Variants in DTD1 observed in about 807,000 individuals in gnomAD.
DTD1 encodes the protein D-aminoacyl-tRNA deacylase 1.
DTD1 carries 13 observed loss-of-function variants against 25.6 expected under a neutral mutation model. The ratio of observed to expected loss-of-function variants is 0.51; its 90% CI spans 0.33 to 0.81. The LOEUF is 0.81. Ranked by LOEUF, DTD1 falls within the 30% of genes least tolerant of loss-of-function variation. DTD1 has a pLI of 0.02. For synonymous variants in DTD1, 110 were observed against 103.6 expected, an observed-to-expected ratio of 1.06 and a Z score of -0.37; for missense variants, 193 against 266.4, an observed-to-expected ratio of 0.72 and a Z score of 1.92.
chr20:18,632,458 T>G, intron 4 of DTD1: 1 of 985,496 alleles, frequency 1.0e-6, no homozygotes, highest in Middle Eastern at 5.2e-4. Context: ...GGGGCCTCTC[T>G]CTGCCTTTTC....
At chr20:18,632,169 A>C in intron 4 of DTD1, 2 of 985,384 alleles carry the variant, frequency 2.0e-6, no homozygotes, top group Non-Finnish European at 2.4e-6. Context: ...CCTCTCCCCA[A>C]ATCAAAAAAT....
At chr20:18,668,729 C>T (rs75916512) in intron 4 of DTD1, among the ~76,000 whole-genome samples, 4,818 of 152,238 alleles carry the variant, frequency 0.032, 117 homozygotes, top group Non-Finnish European at 0.044. Flanking sequence ...CTCATTTTCA[C>T]GCAGCTCATA....
At chr20:18,607,684 G>A (rs558862135) in intron 3 of DTD1, among the ~76,000 whole-genome samples, 5 of 152,008 alleles carry the variant, frequency 3.3e-5, no homozygotes, top group African/African-American at 9.6e-5. Flanking sequence ...AATGGATATA[G>A]GTCTATCCAA....
intron 4 of DTD1, among the ~76,000 whole-genome samples, chr20:18,665,924 C>A (rs1195134094): frequency 1.3e-5 from 2 of 151,858 alleles, no homozygotes; most frequent in African/African-American, 4.8e-5. Context: ...ATCCAGCTGC[C>A]CCCACTGTTA....
At chr20:18,668,977 G>A (rs1236467991) in intron 4 of DTD1, among the ~76,000 whole-genome samples, 1 of 152,204 alleles carries the variant, frequency 6.6e-6, no homozygotes, top group Non-Finnish European at 1.5e-5. Flanking sequence ...GTCTCGCCCA[G>A]AACAGGCATA....
chr20:18,606,180 C>A (rs2060656588), intron 3 of DTD1, among the ~76,000 whole-genome samples: 1 of 149,878 alleles, frequency 6.7e-6, no homozygotes, highest in East Asian at 2.0e-4. Context: ...TGAAAAAATG[C>A]TCATCATCAC....
chr20:18,641,633 T>C (rs1213554470), intron 4 of DTD1, among the ~76,000 whole-genome samples: 1 of 152,230 alleles, frequency 6.6e-6, no homozygotes, highest in Admixed American at 6.5e-5. Flanking sequence ...GTTGAGCATC[T>C]TTTCATGTGC....
At chr20:18,601,572 G>C (rs2060635232) in intron 3 of DTD1, among the ~76,000 whole-genome samples, 1 of 150,754 alleles carries the variant, frequency 6.6e-6, no homozygotes, top group African/African-American at 2.4e-5. Flanking sequence ...CGCAGCTGGA[G>C]ATCTGAGAAC....
At chr20:18,691,101 T>C (rs1257391307) in intron 4 of DTD1, among the ~76,000 whole-genome samples, 1 of 152,108 alleles carries the variant, frequency 6.6e-6, no homozygotes, top group East Asian at 1.9e-4. Flanking sequence ...ATTTTTAAAA[T>C]TAAAAATGAG....
At chr20:18,588,142 A>G (rs2060573380) in intron 1 of DTD1, 27 bp downstream of exon 1, 1 of 1,258,520 alleles carries the variant, frequency 7.9e-7, no homozygotes, top group Non-Finnish European at 1.0e-6. Context: ...CGGGCCCGGG[A>G]GGAGCCGCCC....
chr20:18,611,954 A>T (rs980584444), intron 3 of DTD1, among the ~76,000 whole-genome samples: 5 of 151,634 alleles, frequency 3.3e-5, no homozygotes, highest in South Asian at 2.1e-4. Flanking sequence ...TCCCAGATTC[A>T]AGTGATTCTC....
intron 4 of DTD1, among the ~76,000 whole-genome samples, chr20:18,702,913 T>C (rs1220335574): frequency 6.6e-6 from 1 of 152,216 alleles, no homozygotes; most frequent in Non-Finnish European, 1.5e-5. Context: ...ACTGGGCCGC[T>C]GCCTGGACCT....
intron 4 of DTD1, among the ~76,000 whole-genome samples, chr20:18,708,287 ATATATATATAATATATATATTT>A (rs2061141318): frequency 5.4e-4 from 10 of 18,518 alleles, no homozygotes; most frequent in Admixed American, 4.2e-3. Flanking sequence ...AATATATATT[ATATATATATAATATATATATTT>A]TATATATATA....
At chr20:18,709,214 A>G (rs1352198682) in intron 4 of DTD1, among the ~76,000 whole-genome samples, 1 of 151,518 alleles carries the variant, frequency 6.6e-6, no homozygotes, top group Non-Finnish European at 1.5e-5. Context: ...AATAAATATG[A>G]TCCCCCCTTT....
intron 4 of DTD1, among the ~76,000 whole-genome samples, chr20:18,682,629 C>T (rs191149504): frequency 6.6e-6 from 1 of 152,340 alleles, no homozygotes; most frequent in East Asian, 1.9e-4. Flanking sequence ...CAATCCTTGA[C>T]ATTTTGTGCC....
intron 3 of DTD1, among the ~76,000 whole-genome samples, chr20:18,609,988 A>G (rs899323569): frequency 2.6e-5 from 4 of 152,218 alleles, no homozygotes; most frequent in African/African-American, 7.2e-5. Context: ...CAAAGATTAG[A>G]TGCTGCCAGC....
chr20:18,711,784 G>A (rs1458807759), intron 4 of DTD1, among the ~76,000 whole-genome samples: 1 of 152,144 alleles, frequency 6.6e-6, no homozygotes, highest in Non-Finnish European at 1.5e-5. Flanking sequence ...AGTGGCTCAT[G>A]CCTGTAATCC....
At chr20:18,683,890 A>G (rs1167615819) in intron 4 of DTD1, among the ~76,000 whole-genome samples, 3 of 151,932 alleles carry the variant, frequency 2.0e-5, no homozygotes, top group Non-Finnish European at 4.4e-5. Context: ...TTTCCAGCCT[A>G]TTTCCTCAAA....
intron 3 of DTD1, among the ~76,000 whole-genome samples, chr20:18,626,965 G>C (rs1323136640): frequency 1.3e-5 from 2 of 152,132 alleles, no homozygotes; most frequent in Non-Finnish European, 2.9e-5. Context: ...TTAAACACAT[G>C]ATTTCCTTCC....
Sources: allele counts gnomAD v4.1 joint callset (sites outside exome capture counted in the v4.1 genomes callset), GRCh38; gene constraint gnomAD v4.1.1; transcripts MANE v1.5; gene names NCBI Gene and HGNC (gene_info 2026-07-23, HGNC 2026-07-21).